The following MEIS2 variants were observed in gnomAD, a reference collection of about 807,000 sequenced individuals.
MEIS2 encodes homeobox protein Meis2.
In MEIS2, 9 loss-of-function variants were observed where a neutral mutation model predicts 58.6. The ratio of observed to expected loss-of-function variants is 0.15; its 90% confidence interval spans 0.09 to 0.27. The LOEUF (loss-of-function observed/expected upper bound fraction) is 0.27, where lower values mean the gene tolerates loss of function less well. MEIS2 is among the 10% of genes least tolerant of loss of function. MEIS2 has a pLI of 1.00. For missense variants in MEIS2, 427 were observed against 635.0 expected, an observed-to-expected ratio of 0.67 and a Z score of 3.52; for synonymous variants, 221 against 228.4, an observed-to-expected ratio of 0.97 and a Z score of 0.29.
At chr15:36,956,021 CAA>C (rs757524401) in intron 8 of MEIS2, among the ~76,000 whole-genome samples, 410 of 46,604 alleles carry the variant, frequency 8.8e-3, no homozygotes, top group Middle Eastern at 0.017. Flanking sequence ...ACTAAAAATA[CAA>C]AAAAAAAAAA....
intron 7 of MEIS2, among the ~76,000 whole-genome samples, chr15:37,065,476 A>G (rs1161020753): frequency 6.6e-6 from 1 of 152,194 alleles, no homozygotes; most frequent in Admixed American, 6.5e-5. Flanking sequence ...GCTCTGAAGA[A>G]TTTGAACAAC....
At chr15:37,004,122 A>G (rs1452955085) in intron 8 of MEIS2, among the ~76,000 whole-genome samples, 1 of 152,192 alleles carries the variant, frequency 6.6e-6, no homozygotes, top group Non-Finnish European at 1.5e-5. Context: ...CAACTACTGG[A>G]TGACTTTAAT....
At chr15:36,972,403 T>C (rs1038228218) in intron 8 of MEIS2, among the ~76,000 whole-genome samples, 2 of 152,112 alleles carry the variant, frequency 1.3e-5, no homozygotes, top group Non-Finnish European at 2.9e-5. Context: ...CATGCTTCAG[T>C]GGCTTTCCAT....
At chr15:36,977,401 G>T (rs1480072900) in intron 8 of MEIS2, among the ~76,000 whole-genome samples, 1 of 152,160 alleles carries the variant, frequency 6.6e-6, no homozygotes, top group Non-Finnish European at 1.5e-5. Context: ...GAATGGGGAA[G>T]TAAAGTAGCA....
At chr15:36,953,242 T>C (rs2058827352) in intron 8 of MEIS2, among the ~76,000 whole-genome samples, 1 of 152,190 alleles carries the variant, frequency 6.6e-6, no homozygotes, top group African/African-American at 2.4e-5. Context: ...ACTAGAGTAT[T>C]TCTACTACAT....
intron 6 of MEIS2, among the ~76,000 whole-genome samples, chr15:37,085,195 A>G (rs1016733383): frequency 2.0e-5 from 3 of 152,202 alleles, no homozygotes; most frequent in Non-Finnish European, 4.4e-5. Flanking sequence ...TATATCACTA[A>G]AAAAACCAAT....
At chr15:37,012,898 A>AT (rs2061212765) in intron 8 of MEIS2, among the ~76,000 whole-genome samples, 1 of 152,180 alleles carries the variant, frequency 6.6e-6, no homozygotes, top group Non-Finnish European at 1.5e-5. Flanking sequence ...CAGTATATAA[A>AT]TTTGTCTACC....
chr15:36,902,281 T>C (rs190311351), intron 9 of MEIS2, among the ~76,000 whole-genome samples: 14 of 152,332 alleles, frequency 9.2e-5, no homozygotes, highest in African/African-American at 3.4e-4. Flanking sequence ...GGCCACAGGG[T>C]AATAACTGTG....
At chr15:37,013,490 T>G (rs2141644132) in intron 8 of MEIS2, among the ~76,000 whole-genome samples, 1 of 151,606 alleles carries the variant, frequency 6.6e-6, no homozygotes, top group Non-Finnish European at 1.5e-5. Context: ...GAGAATCACT[T>G]GAACCCAGGA....
chr15:37,090,099 G>T (rs1238442257), intron 6 of MEIS2, among the ~76,000 whole-genome samples: 2 of 151,742 alleles, frequency 1.3e-5, no homozygotes, highest in African/African-American at 4.8e-5. Flanking sequence ...TATTTCCTTC[G>T]ACTATTATAT....
chr15:36,909,182 T>C (rs2056884781), intron 9 of MEIS2, among the ~76,000 whole-genome samples: 1 of 152,146 alleles, frequency 6.6e-6, no homozygotes, highest in African/African-American at 2.4e-5. Flanking sequence ...GAAATCTCTT[T>C]GAGGCAACTT....
At chr15:36,922,996 G>C (rs1243116421) in intron 9 of MEIS2, among the ~76,000 whole-genome samples, 3 of 152,000 alleles carry the variant, frequency 2.0e-5, no homozygotes, top group African/African-American at 7.3e-5. Context: ...AATATAATCT[G>C]AAATTAATAA....
chr15:37,067,726 A>C (rs1220907996), intron 7 of MEIS2, among the ~76,000 whole-genome samples: 1 of 152,156 alleles, frequency 6.6e-6, no homozygotes, highest in Non-Finnish European at 1.5e-5. Context: ...CTTCTGCTCC[A>C]AACCCTGCCC....
At chr15:36,990,058 C>A (rs2060219306) in intron 8 of MEIS2, among the ~76,000 whole-genome samples, 1 of 152,264 alleles carries the variant, frequency 6.6e-6, no homozygotes, top group South Asian at 2.1e-4. Context: ...CATTCTCCTG[C>A]CTCAGCCTCC....
At chr15:36,895,706 C>T (rs2141222624) in intron 10 of MEIS2, among the ~76,000 whole-genome samples, 1 of 152,304 alleles carries the variant, frequency 6.6e-6, no homozygotes, top group South Asian at 2.1e-4. Flanking sequence ...CAATTAAAAG[C>T]TTGCCTTTTT....
At chr15:37,015,515 T>C (rs1208930444) in intron 8 of MEIS2, among the ~76,000 whole-genome samples, 1 of 151,414 alleles carries the variant, frequency 6.6e-6, no homozygotes, top group Non-Finnish European at 1.5e-5. Context: ...GATCACTGTA[T>C]CATGCCAGGA....
At chr15:36,985,638 G>C (rs1056766003) in intron 8 of MEIS2, among the ~76,000 whole-genome samples, 7 of 152,034 alleles carry the variant, frequency 4.6e-5, no homozygotes, top group African/African-American at 1.4e-4. Context: ...TTTCTTATAA[G>C]GATTGTATTT....
At chr15:37,005,497 G>A (rs981455410) in intron 8 of MEIS2, among the ~76,000 whole-genome samples, 2 of 152,068 alleles carry the variant, frequency 1.3e-5, no homozygotes, top group South Asian at 2.1e-4. Flanking sequence ...TCCTGCTGAC[G>A]CACCACCATC....
At chr15:36,995,997 A>ATGTGTGTGTGTGTGTGTG (rs1567160055) in intron 8 of MEIS2, among the ~76,000 whole-genome samples, 6 of 56,798 alleles carry the variant, frequency 1.1e-4, no homozygotes, top group African/African-American at 2.3e-4. Context: ...ATATATATAT[A>ATGTGTGTGTGTGTGTGTG]TATATGTATA....
Sources: gnomAD v4.1 joint callset for allele counts (sites outside exome capture counted in the v4.1 genomes callset) on GRCh38, gnomAD v4.1.1 for gene constraint, MANE v1.5 for transcripts, NCBI Gene and HGNC (gene_info 2026-07-23, HGNC 2026-07-21) for gene names.